NLGN1: variants seen among roughly 807,000 people sequenced by gnomAD.
The protein encoded by NLGN1 is neuroligin-1.
A neutral mutation model predicts 65.5 loss-of-function variants in NLGN1; 12 were observed. That is an observed-to-expected ratio of 0.18 (90% CI 0.12 to 0.30). NLGN1 has a LOEUF of 0.30. Ranked by LOEUF, NLGN1 falls within the 10% of genes least tolerant of loss-of-function variation. The pLI is 1.00. For missense variants in NLGN1, 750 were observed against 1,007.1 expected (o/e 0.74, Z 3.46); for synonymous variants, 350 against 359.5 (o/e 0.97, Z 0.30).
intron 2 of NLGN1, among the ~76,000 whole-genome samples, chr3:173,506,523 A>T (rs1256209148): frequency 6.6e-6 from 1 of 152,056 alleles, no homozygotes; most frequent in Admixed American, 6.6e-5. Flanking sequence ...CAAATATTTC[A>T]TATCATTTTA....
Position 173,979,645 on chromosome 3 carries a change from C to T in NLGN1, c.646+171813C>T, listed in dbSNP as rs577639581. On this transcript the variant is annotated intron_variant, in intron 4 of 6. Transcript: ENST00000457714. ...GTATGATCTGGTATAACATTAATAG[C>T]ATATGCTAAGCCTGGTATGCAGTGC... Among the ~76,000 whole-genome samples, 5 of 152,236 alleles carry T rather than the reference C, an allele frequency of 3.3e-5. No individual in the cohort carries two copies. The East Asian group carries it at 9.7e-4, about 29-fold the overall frequency.
intron 3 of NLGN1, among the ~76,000 whole-genome samples, chr3:173,800,891 T>C (rs1715334819): frequency 6.6e-6 from 1 of 152,004 alleles, no homozygotes; most frequent in Admixed American, 6.5e-5. Flanking sequence ...GTTTATTTGC[T>C]TAAATGTCAC....
intron 4 of NLGN1, among the ~76,000 whole-genome samples, chr3:174,233,415 G>A (rs1383163199): frequency 6.6e-6 from 1 of 151,866 alleles, no homozygotes; most frequent in East Asian, 1.9e-4. Flanking sequence ...GAACCCGGGA[G>A]GCAGAGGTTG....
chr3:173,425,450 GT>G (rs1560234259), intron 1 of NLGN1, among the ~76,000 whole-genome samples: 1 of 151,818 alleles, frequency 6.6e-6, no homozygotes. Flanking sequence ...TTTTCCCAGT[GT>G]TTTTTCTAAT....
chr3:173,994,491 A>AAG lies in NLGN1; in HGVS notation c.646+186672_646+186673dup, dbSNP rs1553910109. 1.8e-3 allele frequency among the ~76,000 whole-genome samples: 149 copies of AAG among 81,222 alleles called. 1 individual carries two copies. The highest frequency in any genetic ancestry group is 2.3e-3 in the African/African-American group (41 of 17,766). 53.3% of individuals were successfully genotyped at this position (81,222 alleles called of 152,430 possible). On this transcript the variant is annotated intron_variant, in intron 4 of 6. Transcript: ENST00000457714. ...AAAAAAAAAAAAAAAAAAAAAAAAA[A>AAG]AGAGAGAGAGAGAGCCTAATTAGTA...
At chr3:173,737,848 G>A (rs1774021661) in intron 3 of NLGN1, among the ~76,000 whole-genome samples, 1 of 151,958 alleles carries the variant, frequency 6.6e-6, no homozygotes, top group South Asian at 2.1e-4. Flanking sequence ...TTCCAAAGTG[G>A]ATGCATCATT....
chr3:173,681,545 G>C (rs538643711), intron 3 of NLGN1, among the ~76,000 whole-genome samples: 17 of 152,108 alleles, frequency 1.1e-4, no homozygotes, highest in Non-Finnish European at 2.4e-4. Flanking sequence ...CTTGAGGTTT[G>C]CAATTGTGTA....
chr3:174,193,510 C>G (rs1360321332), intron 4 of NLGN1, among the ~76,000 whole-genome samples: 1 of 152,078 alleles, frequency 6.6e-6, no homozygotes, highest in East Asian at 1.9e-4. Flanking sequence ...ACAAAGGAAA[C>G]AGTTTTGTCA....
intron 4 of NLGN1, among the ~76,000 whole-genome samples, chr3:173,857,595 A>AT (rs1728247322): frequency 6.6e-6 from 1 of 152,086 alleles, no homozygotes; most frequent in African/African-American, 2.4e-5. Flanking sequence ...ACAAAAAAAA[A>AT]TCACAGAAAG....
intron 4 of NLGN1, among the ~76,000 whole-genome samples, chr3:174,122,922 A>G (rs1718088129): frequency 6.6e-6 from 1 of 152,004 alleles, no homozygotes; most frequent in African/African-American, 2.4e-5. Context: ...GTAATAATAA[A>G]TAAATTAATA....
chr3:173,579,584 G>T (rs761064476), intron 2 of NLGN1, among the ~76,000 whole-genome samples: 37 of 152,174 alleles, frequency 2.4e-4, no homozygotes, highest in Non-Finnish European at 5.1e-4. Flanking sequence ...GGTATATTTA[G>T]CATCCAGGCA....
intron 4 of NLGN1, among the ~76,000 whole-genome samples, chr3:174,181,778 T>TACACACACACATAC (rs1730455765): frequency 7.0e-6 from 1 of 142,592 alleles, no homozygotes; most frequent in Non-Finnish European, 1.5e-5. Flanking sequence ...AAAATAAAAA[T>TACACACACACATAC]ACACACACAC....
intron 4 of NLGN1, chr3:173,912,495 G>A (rs1579141916): frequency 1.3e-5 from 2 of 152,204 alleles, no homozygotes; most frequent in Non-Finnish European, 1.5e-5. Context: ...GTGTTCAGGG[G>A]CCTTATAAAT....
intron 2 of NLGN1, among the ~76,000 whole-genome samples, chr3:173,447,302 C>T (rs941210674): frequency 2.0e-5 from 3 of 152,190 alleles, no homozygotes; most frequent in African/African-American, 7.2e-5. Flanking sequence ...GTTTTCCCAG[C>T]ACCATTTATT....
chr3:174,084,124 G>A (rs929558756), intron 4 of NLGN1, among the ~76,000 whole-genome samples: 4 of 152,100 alleles, frequency 2.6e-5, no homozygotes, highest in South Asian at 2.1e-4. Context: ...TTTAACTTTA[G>A]TACTTTTGTG....
chr3:173,536,748 T>C (rs1186207041), intron 2 of NLGN1, among the ~76,000 whole-genome samples: 1 of 152,152 alleles, frequency 6.6e-6, no homozygotes, highest in Non-Finnish European at 1.5e-5. Flanking sequence ...GTAGGGGATA[T>C]GTGTGTGCAC....
intron 3 of NLGN1, among the ~76,000 whole-genome samples, chr3:173,623,103 C>A (rs570712148): frequency 6.6e-6 from 1 of 152,016 alleles, no homozygotes; most frequent in African/African-American, 2.4e-5. Context: ...TTTTCATAAT[C>A]ATTCGACAGC....
intron 3 of NLGN1, among the ~76,000 whole-genome samples, chr3:173,785,866 GT>G (rs1446841737): frequency 6.6e-6 from 1 of 152,028 alleles, no homozygotes; most frequent in East Asian, 1.9e-4. Flanking sequence ...ATTTCCATCT[GT>G]TGTGCCTCAT....
intron 4 of NLGN1, among the ~76,000 whole-genome samples, chr3:174,111,774 G>A (rs184751798): frequency 5.9e-5 from 9 of 151,842 alleles, no homozygotes; most frequent in African/African-American, 1.9e-4. Flanking sequence ...AGAGTTACTG[G>A]GTGCTATTAT....
Sources: allele counts gnomAD v4.1 joint callset (sites outside exome capture counted in the v4.1 genomes callset), GRCh38; gene constraint gnomAD v4.1.1; transcripts MANE v1.5; gene names NCBI Gene and HGNC (gene_info 2026-07-23, HGNC 2026-07-21).